C11orf65: variants seen among roughly 807,000 people sequenced by gnomAD.
C11orf65 encodes the protein chromosome 11 open reading frame 65, also known as protein MFI.
Under a neutral mutation model 35.3 loss-of-function variants are expected in C11orf65, and 38 were observed. The observed-to-expected ratio is 1.08, with a 90% CI of 0.83 to 1.41. The LOEUF is 1.41. Ranked by LOEUF, C11orf65 falls within the 40% of genes most tolerant of loss-of-function variation. C11orf65 has a pLI of 0.00. For missense variants in C11orf65, 370 were observed against 367.1 expected (o/e 1.01, Z -0.06); for synonymous variants, 105 against 114.4 (o/e 0.92, Z 0.53).
chr11:108,437,405 G>C (rs2093077171), intron 2 of C11orf65, among the ~76,000 whole-genome samples: 1 of 152,084 alleles, frequency 6.6e-6, no homozygotes, highest in Non-Finnish European at 1.5e-5. Flanking sequence ...TATCTGGATA[G>C]ATAAAAATAG....
Position 108,407,630 on chromosome 11 carries a change from A to AT in C11orf65, c.175-482dup, listed in dbSNP as rs937652890. ...CCACTGTGCTCAGCCATTAAAAAAA[A>AT]TTTTTTTTTTGTAATTAGAAAATAT... On this transcript the variant is annotated intron_variant, in intron 3 of 8. Coordinates refer to ENST00000393084, the MANE Select transcript of C11orf65 (RefSeq NM_152587.5). 9.4e-5 allele frequency among the ~76,000 whole-genome samples: 14 copies of AT among 149,506 alleles called. 1 individual carries two copies. Among genetic ancestry groups the AT allele is most frequent in the South Asian group, 4.3e-4 (2 of 4,672 alleles).
At chr11:108,403,813 G>A (rs12290096) in intron 6 of C11orf65, among the ~76,000 whole-genome samples, 1,736 of 152,284 alleles carry the variant, frequency 0.011, 24 homozygotes, top group African/African-American at 0.038. Context: ...ATACATGGGG[G>A]TTTATTTATT....
At chr11:108,371,502 T>C (rs1455041849) in intron 2 of C11orf65, among the ~76,000 whole-genome samples, 2 of 152,250 alleles carry the variant, frequency 1.3e-5, no homozygotes, top group East Asian at 3.8e-4. Context: ...TCTTTGTGAC[T>C]AGCTTATTTC....
At chr11:108,412,327 CAACA>C (rs1221655649) in intron 3 of C11orf65, among the ~76,000 whole-genome samples, 19 of 151,380 alleles carry the variant, frequency 1.3e-4, no homozygotes, top group Admixed American at 1.2e-3. Context: ...AAAACAATGG[CAACA>C]AACAGGAAAC....
At chr11:108,340,474 C>T (rs1052456675) in intron 2 of C11orf65, 1 of 152,154 alleles carries the variant, frequency 6.6e-6, no homozygotes, top group Non-Finnish European at 1.5e-5. Flanking sequence ...TCATTTTAAA[C>T]TCTTGTTTCT....
chr11:108,465,692 T>A (rs184267080), intron 1 of C11orf65, among the ~76,000 whole-genome samples: 1,745 of 149,292 alleles, frequency 0.012, 17 homozygotes, highest in Non-Finnish European at 0.018. Flanking sequence ...GGTTTTTTTT[T>A]AAAAAAAAAA....
intron 6 of C11orf65, chr11:108,320,109 T>G (rs1384762115): frequency 2.2e-6 from 3 of 1,364,882 alleles, no homozygotes; most frequent in Non-Finnish European, 3.1e-6. Flanking sequence ...TGTCATGGCT[T>G]CTTTTCTGAA....
Position 108,332,027 on chromosome 11 carries a change from A to G in C11orf65, c.300-460T>C, listed in dbSNP as rs587779867. 4.4e-5 allele frequency: 71 copies of G among 1,613,732 alleles called. No individual in the cohort carries two copies. The highest frequency in any genetic ancestry group is 5.0e-5 in the Admixed American group (3 of 59,994). On this transcript the variant is annotated intron_variant, in intron 3 of 3. Transcript: ENST00000524755. ...AAAAATGTGCCTAAACAAAGCTCTC[A>G]GCTTGATGAGGTATTTGGATTAAAC...
intron 6 of C11orf65, among the ~76,000 whole-genome samples, chr11:108,311,985 C>G (rs1220789418): frequency 6.6e-6 from 1 of 152,106 alleles, no homozygotes; most frequent in African/African-American, 2.4e-5. Context: ...ACTTCCTTTT[C>G]AATAGTTAAT....
intron 3 of C11orf65, among the ~76,000 whole-genome samples, chr11:108,408,427 C>T (rs1451790710): frequency 3.3e-5 from 5 of 151,912 alleles, no homozygotes; most frequent in African/African-American, 1.2e-4. Context: ...GTAATCCCAA[C>T]ACTTTGGGAA....
chr11:108,441,746 C>A (rs560376495), intron 2 of C11orf65, among the ~76,000 whole-genome samples: 1 of 152,340 alleles, frequency 6.6e-6, no homozygotes, highest in Admixed American at 6.5e-5. Context: ...TCCAACAGAC[C>A]TGCAGCTGCG....
chr11:108,455,602 G>A (rs919388573), intron 2 of C11orf65, among the ~76,000 whole-genome samples: 4 of 151,964 alleles, frequency 2.6e-5, no homozygotes, highest in African/African-American at 9.7e-5. Context: ...CGGATCACGA[G>A]GTCAGGAGTT....
intron 3 of C11orf65, among the ~76,000 whole-genome samples, chr11:108,414,799 A>T (rs1157413526): frequency 6.6e-6 from 1 of 152,128 alleles, no homozygotes; most frequent in Non-Finnish European, 1.5e-5. Flanking sequence ...TCATGAGCAT[A>T]GACTTAAAAA....
downstream of C11orf65, chr11:108,329,361 A>C (rs747430920): frequency 9.7e-5 from 86 of 887,482 alleles, no homozygotes; most frequent in Non-Finnish European, 1.4e-4. Flanking sequence ...GGTCGGCTTA[A>C]CTATATATAG....
chr11:108,386,849 A>G (rs1271291608), intron 7 of C11orf65, among the ~76,000 whole-genome samples: 1 of 152,106 alleles, frequency 6.6e-6, no homozygotes, highest in East Asian at 1.9e-4. Flanking sequence ...TGGAAGGCCG[A>G]GGTGGGCGGA....
exon 7 of C11orf65, chr11:108,308,666 A>G: frequency 7.4e-6 from 2 of 269,804 alleles, no homozygotes; most frequent in Non-Finnish European, 1.4e-5. Flanking sequence ...ATAAGTGTGT[A>G]TGGTGGTGGT....
intron 2 of C11orf65, among the ~76,000 whole-genome samples, chr11:108,375,682 C>G (rs1038776271): frequency 5.3e-5 from 8 of 152,254 alleles, no homozygotes; most frequent in Admixed American, 1.3e-4. Flanking sequence ...TTAAAAGACA[C>G]AGACTGGCAA....
intron 2 of C11orf65, among the ~76,000 whole-genome samples, chr11:108,350,775 A>G (rs1187506345): frequency 6.6e-6 from 1 of 152,144 alleles, no homozygotes; most frequent in African/African-American, 2.4e-5. Context: ...GGAAGATGCA[A>G]ATTAGAGGTA....
intron 6 of C11orf65, among the ~76,000 whole-genome samples, chr11:108,323,992 G>C (rs1189867258): frequency 6.6e-6 from 1 of 152,084 alleles, no homozygotes; most frequent in Non-Finnish European, 1.5e-5. Flanking sequence ...GAAGTATACA[G>C]TTGAAATTCT....
Sources: gnomAD v4.1 joint callset for allele counts (sites outside exome capture counted in the v4.1 genomes callset) on GRCh38, gnomAD v4.1.1 for gene constraint, MANE v1.5 for transcripts, NCBI Gene and HGNC (gene_info 2026-07-23, HGNC 2026-07-21) for gene names.